LSAMP: variants seen among roughly 807,000 people sequenced by gnomAD.
The protein encoded by LSAMP is limbic system associated membrane protein.
Under a neutral mutation model 38.6 loss-of-function variants are expected in LSAMP, and 7 were observed. The ratio of observed to expected loss-of-function variants is 0.18; its 90% CI spans 0.10 to 0.34. The LOEUF (loss-of-function observed/expected upper bound fraction) is 0.34. Among genes scored for constraint, LSAMP ranks in the 10% least tolerant of loss-of-function variants. The pLI is 1.00. For missense variants in LSAMP, 313 were observed against 420.0 expected (o/e 0.75, Z 2.23); for synonymous variants, 154 against 166.8 (o/e 0.92, Z 0.59).
intron 1 of LSAMP, among the ~76,000 whole-genome samples, chr3:116,383,256 C>T (rs939005878): frequency 6.6e-6 from 1 of 152,080 alleles, no homozygotes; most frequent in Non-Finnish European, 1.5e-5. Context: ...TTTCTACTCC[C>T]TCTTCTAAAT....
intron 3 of LSAMP, among the ~76,000 whole-genome samples, chr3:115,911,822 T>A (rs1937142331): frequency 6.6e-6 from 1 of 152,238 alleles, no homozygotes; most frequent in African/African-American, 2.4e-5. Context: ...TTATTCAGAT[T>A]CTTCACATCC....
At chr3:116,235,646 C>T (rs545270697) in intron 1 of LSAMP, among the ~76,000 whole-genome samples, 4 of 152,236 alleles carry the variant, frequency 2.6e-5, no homozygotes, top group East Asian at 3.9e-4. Context: ...TTCAATTTTT[C>T]AGGCACTTTA....
chr3:115,945,642 A>T (rs964892668), intron 3 of LSAMP, among the ~76,000 whole-genome samples: 1 of 152,116 alleles, frequency 6.6e-6, no homozygotes, highest in Admixed American at 6.6e-5. Flanking sequence ...CTTGTCATCA[A>T]TTTTTCTGGT....
At chr3:116,132,213 A>G (rs2107503635) in intron 1 of LSAMP, among the ~76,000 whole-genome samples, 1 of 148,330 alleles carries the variant, frequency 6.7e-6, no homozygotes, top group African/African-American at 2.5e-5. Context: ...GTTGTAGCTC[A>G]ATAACATGTT....
rs555584110 is a variant in LSAMP, at chr3:115,830,910, C to T, written c.919+10935G>A. Among the ~76,000 whole-genome samples, 3 of 152,306 alleles carry T rather than the reference C, an allele frequency of 2.0e-5. 1 individual carries two copies. In the South Asian group the frequency reaches 6.2e-4, roughly 32 times the overall value. ...GGATATGGCTGTTCTGATGCCAGGC[C>T]TGCCTGTAGGAACATGAGTCCCCCT... On this transcript the variant is annotated intron_variant, in intron 6 of 6. Transcript: ENST00000490035.
Position 116,059,955 on chromosome 3 carries a change from C to T in LSAMP, c.388+26369G>A, listed in dbSNP as rs920305278. On this transcript the variant is annotated intron_variant, in intron 2 of 6. Coordinates refer to ENST00000490035, the MANE Select transcript of LSAMP (RefSeq NM_002338.5). ...GGAGTTCTCCCTGAGTCACTCAGTT[C>T]CTGGCTGAGTACAGCCATTCTGTGA... Among the ~76,000 whole-genome samples the T allele has an allele frequency of 3.9e-5, 6 of 152,312 alleles. No homozygotes were observed. In the South Asian group the frequency reaches 1.2e-3, roughly 32 times the overall value.
At chr3:115,965,286 C>T (rs1281593048) in intron 3 of LSAMP, among the ~76,000 whole-genome samples, 1 of 151,828 alleles carries the variant, frequency 6.6e-6, no homozygotes, top group African/African-American at 2.4e-5. Flanking sequence ...AACATTTAAA[C>T]TATAACAATT....
intron 3 of LSAMP, among the ~76,000 whole-genome samples, chr3:115,921,136 AT>A (rs1937373353): frequency 6.6e-6 from 1 of 151,990 alleles, no homozygotes; most frequent in Non-Finnish European, 1.5e-5. Flanking sequence ...GTTAGATCTC[AT>A]TTTTCTATCC....
At chr3:115,919,157 T>C (rs1937325265) in intron 3 of LSAMP, among the ~76,000 whole-genome samples, 1 of 152,192 alleles carries the variant, frequency 6.6e-6, no homozygotes. Flanking sequence ...TCCTGCCGGA[T>C]ATTGGGTTGT....
intron 1 of LSAMP, among the ~76,000 whole-genome samples, chr3:116,238,776 A>G (rs1277344755): frequency 6.6e-6 from 1 of 152,190 alleles, no homozygotes; most frequent in African/African-American, 2.4e-5. Context: ...ATATCAAAGC[A>G]TTCCATATGG....
At chr3:115,982,645 T>TTC (rs894982770) in intron 3 of LSAMP, among the ~76,000 whole-genome samples, 2 of 151,864 alleles carry the variant, frequency 1.3e-5, no homozygotes, top group African/African-American at 4.8e-5. Context: ...GTATTGTACA[T>TTC]TCTCTCTCTT....
At chr3:116,121,065 G>A (rs1708864447) in intron 1 of LSAMP, among the ~76,000 whole-genome samples, 1 of 152,174 alleles carries the variant, frequency 6.6e-6, no homozygotes, top group Non-Finnish European at 1.5e-5. Context: ...AGTTGAGAAG[G>A]TCCCAACATC....
At chr3:116,021,841 G>C (rs1940647815) in intron 2 of LSAMP, among the ~76,000 whole-genome samples, 1 of 151,540 alleles carries the variant, frequency 6.6e-6, no homozygotes, top group Non-Finnish European at 1.5e-5. Flanking sequence ...AAAGGAGATA[G>C]AGCGAAGACT....
chr3:116,106,029 T>C (rs1305219762), intron 1 of LSAMP, among the ~76,000 whole-genome samples: 1 of 152,016 alleles, frequency 6.6e-6, no homozygotes, highest in Non-Finnish European at 1.5e-5. Context: ...TATAGAATGA[T>C]GATTGGTGAT....
At chr3:116,425,143 A>G (rs1327858949) in intron 1 of LSAMP, among the ~76,000 whole-genome samples, 1 of 152,186 alleles carries the variant, frequency 6.6e-6, no homozygotes, top group Non-Finnish European at 1.5e-5. Flanking sequence ...TTATCACCCA[A>G]AATTAGCAAG....
At chr3:116,093,413 G>A (rs1015175411) in intron 1 of LSAMP, among the ~76,000 whole-genome samples, 5 of 152,152 alleles carry the variant, frequency 3.3e-5, no homozygotes, top group Admixed American at 3.3e-4. Flanking sequence ...AGAAGCATAG[G>A]ACAAACATCT....
intron 6 of LSAMP, among the ~76,000 whole-genome samples, chr3:115,822,212 A>G (rs1465684291): frequency 6.6e-6 from 1 of 152,148 alleles, no homozygotes; most frequent in African/African-American, 2.4e-5. Flanking sequence ...ATATTTCTAG[A>G]ATAATGTTTT....
intron 3 of LSAMP, among the ~76,000 whole-genome samples, chr3:115,868,058 A>G (rs1935911727): frequency 6.6e-6 from 1 of 152,102 alleles, no homozygotes; most frequent in Non-Finnish European, 1.5e-5. Flanking sequence ...ATATAGTTAC[A>G]GTTGGTCTAA....
At chr3:116,319,209 A>T (rs1403206777) in intron 1 of LSAMP, among the ~76,000 whole-genome samples, 5 of 152,356 alleles carry the variant, frequency 3.3e-5, no homozygotes, top group African/African-American at 1.2e-4. Flanking sequence ...AACTAAATTT[A>T]CTATGCTTCC....
Sources: gnomAD v4.1 joint callset for allele counts (sites outside exome capture counted in the v4.1 genomes callset) on GRCh38, gnomAD v4.1.1 for gene constraint, MANE v1.5 for transcripts, NCBI Gene and HGNC (gene_info 2026-07-23, HGNC 2026-07-21) for gene names.